The following FOXM1 variants were observed in gnomAD, a reference collection of about 807,000 sequenced individuals.
FOXM1 encodes the protein forkhead box M1.
In FOXM1, 25 loss-of-function variants were observed where a neutral mutation model predicts 63.6. The observed-to-expected ratio is 0.39, with a 90% CI of 0.29 to 0.55. The LOEUF is 0.55. Ranked by LOEUF, FOXM1 falls within the 20% of genes least tolerant of loss-of-function variation. The pLI is 0.60. For synonymous variants in FOXM1, 387 were observed against 376.9 expected, an observed-to-expected ratio of 1.03 and a Z score of -0.31; for missense variants, 879 against 958.7, an observed-to-expected ratio of 0.92 and a Z score of 1.10.
intron 8 of FOXM1, among the ~76,000 whole-genome samples, chr12:2,862,928 T>C (rs543810859): frequency 2.0e-5 from 3 of 152,172 alleles, no homozygotes; most frequent in Admixed American, 1.3e-4. Flanking sequence ...CTGAAGGGGA[T>C]GGGGGAAGCT....
chr12:2,858,485 G>T lies in FOXM1; in HGVS notation c.*153C>A. On this transcript the variant is annotated 3_prime_UTR_variant, in exon 9 of 9. Transcript: ENST00000359843. ...ACACAAGGTCCCAGCAGTGGCTAGG[G>T]TGTGACTGCTACTTTTGCATAATCA... 1.6e-6 allele frequency: 1 copy of T among 639,734 alleles called. No homozygotes were observed. Among genetic ancestry groups the T allele is most frequent in the Non-Finnish European group, 2.7e-6 (1 of 374,696 alleles). The allele number at this position is 639,734 out of a possible 1,614,324, so 39.6% of individuals were successfully genotyped here.
At position 2,867,619 on chromosome 12, in the gene FOXM1, G is replaced by A. The variant is rs185863295; in HGVS notation, c.846+944C>T. ...GGAGCTTGCAGTGAGCCGAGATCGC[G>A]CCACTGCACTCCAGCCTGGGTGACA... On this transcript the variant is annotated intron_variant, in intron 4 of 8. Coordinates refer to ENST00000359843, the MANE Select transcript of FOXM1 (RefSeq NM_021953.4). 5.1e-3 allele frequency among the ~76,000 whole-genome samples: 742 copies of A among 145,420 alleles called. 3 individuals carry two copies. The highest frequency in any genetic ancestry group is 0.017 in the African/African-American group (675 of 39,140).
chr12:2,872,464 C>T lies in FOXM1; in HGVS notation c.503-217G>A, dbSNP rs183713034. On this transcript the variant is annotated intron_variant, in intron 2 of 8. Coordinates refer to ENST00000359843, the MANE Select transcript of FOXM1 (RefSeq NM_021953.4). This position sits in a 1 kb window ranked among gnomAD's most constrained non-coding sequence, Gnocchi z 4.0. ...GTCTCTACTAAAAATACAAAATTAG[C>T]TGGGTGTGGTGGCACACGCCTGTAG... Among the ~76,000 whole-genome samples the T allele has an allele frequency of 2.0e-5, 3 of 152,240 alleles. No homozygotes were observed. The highest frequency in any genetic ancestry group is 2.9e-5 in the Non-Finnish European group (2 of 68,020).
intron 8 of FOXM1, chr12:2,863,612 C>A: frequency 6.6e-6 from 1 of 152,206 alleles, no homozygotes; most frequent in Non-Finnish European, 1.5e-5. Flanking sequence ...CCAGGCTGGT[C>A]TCGAACTCTT....
intron 1 of FOXM1, chr12:2,876,113 G>A (rs2098142992): frequency 6.6e-6 from 1 of 152,142 alleles, no homozygotes; most frequent in African/African-American, 2.4e-5. Flanking sequence ...GCAAAATTGT[G>A]TAATTCTATT....
chr12:2,866,417 G>A lies in FOXM1; in HGVS notation c.951C>T (p.Tyr317=), dbSNP rs1434562002. The A allele has an allele frequency of 1.3e-6, 2 of 1,528,604 alleles. No individual in the cohort carries two copies. Among genetic ancestry groups the A allele is most frequent in the Admixed American group, 2.2e-5 (1 of 44,998 alleles). 94.7% of individuals were successfully genotyped at this position (1,528,604 alleles called of 1,614,324 possible). ...CCTTAAACACCTGGTCCAATGTCAA[G>A]TAGCGGTTGGCACTGGGGTGAATGG... The part of the protein sequence containing the change: ...FWTIHPSANR[Y]LTLDQVFKPL... Residue 317 remains tyrosine (Y), a synonymous_variant, in exon 5 of 9, where the codon TAC becomes TAT. Coordinates refer to ENST00000359843, the MANE Select transcript of FOXM1 (RefSeq NM_021953.4).
At position 2,857,868 on chromosome 12, in the gene FOXM1, A is replaced by AT. The variant is rs1331329516; in HGVS notation, c.*769dup. The AT allele has an allele frequency of 1.3e-5, 2 of 152,318 alleles. No individual in the cohort carries two copies. The highest frequency in any genetic ancestry group is 2.9e-5 in the Non-Finnish European group (2 of 68,126). The allele number at this position is 152,318 out of a possible 1,614,324, so 9.4% of individuals were successfully genotyped here. A position where few individuals can be genotyped will look rare whatever the true frequency, so the allele number is the denominator to read the frequency against. On this transcript the variant is annotated 3_prime_UTR_variant, in exon 9 of 9. Transcript: ENST00000359843. ...TCTCGTCAATGCCAGTCTCCCTGGT[A>AT]TGATTGGGGACATTATCAGAGAAAC...
rs769167760 is a variant in FOXM1, at chr12:2,859,680, G to C, written c.1267-17C>G. ...TAGCAGCACCTGAAAGGGAAACAGA[G>C]ATAAGGTGAACCAACGGTCACCAGA... On this transcript the variant is annotated splice_polypyrimidine_tract_variant and intron_variant, in intron 8 of 8. Transcript: ENST00000359843. 13 of 1,584,700 alleles carry C rather than the reference G, an allele frequency of 8.2e-6. No individual in the cohort carries two copies. Among genetic ancestry groups the C allele is most frequent in the Non-Finnish European group, 1.0e-5 (12 of 1,167,016 alleles).
chr12:2,874,889 A>G lies in FOXM1; in HGVS notation c.-47-364T>C, dbSNP rs1225299914. On this transcript the variant is annotated intron_variant, in intron 1 of 8. Coordinates refer to ENST00000359843, the MANE Select transcript of FOXM1 (RefSeq NM_021953.4). This position sits in a 1 kb window ranked among gnomAD's most constrained non-coding sequence, Gnocchi z 4.3. ...TAAATAGATCACTTGCAATGACTGT[A>G]TGGACAGAAATGGAAGATGCTAGAA... 6.6e-6 allele frequency among the ~76,000 whole-genome samples: 1 copy of G among 152,116 alleles called. No individual in the cohort carries two copies. Among genetic ancestry groups the G allele is most frequent in the Non-Finnish European group, 1.5e-5 (1 of 68,024 alleles).
rs767346257 is a variant in FOXM1, at chr12:2,858,779, A to G, written c.2151T>C (p.Ser717=). 4 of 1,614,240 alleles carry G rather than the reference A, an allele frequency of 2.5e-6. No homozygotes were observed. In the Admixed American group the frequency reaches 5.0e-5, roughly 20 times the overall value. Residue 717 remains serine (S), a synonymous_variant, in exon 9 of 9, where the codon TCT becomes TCC. Coordinates refer to ENST00000359843, the MANE Select transcript of FOXM1 (RefSeq NM_021953.4). ...PQVSGLAANR[S]LTEGLVLDTM... Reference sequence around the variant, plus strand: ...TGTCCAGGACCAGGCCTTCTGTCAGAGAACGATTGGCTGCAAGGCCAGAAA... The same window carrying G: ...TGTCCAGGACCAGGCCTTCTGTCAGGGAACGATTGGCTGCAAGGCCAGAAA...
intron 4 of FOXM1, chr12:2,868,124 G>C (rs564670075): frequency 6.5e-6 from 1 of 153,374 alleles, no homozygotes; most frequent in African/African-American, 2.4e-5. Context: ...CAGGCATCTC[G>C]GTCTTTCCAT....
At chr12:2,865,470 T>C (rs535894238) in intron 5 of FOXM1, 71 bp from the exon 6 acceptor site, 56 of 1,328,452 alleles carry the variant, frequency 4.2e-5, no homozygotes, top group East Asian at 2.1e-4. Flanking sequence ...TTTGACCGGA[T>C]TGGGAAAAAC....
Position 2,858,762 on chromosome 12 carries a change from A to G in FOXM1, c.2168T>C (p.Val723Ala), listed in dbSNP as rs773390706. The part of the protein sequence containing the change: ...AANRSLTEGL[V>A]LDTMNDSLSK... Reference sequence around the variant, plus strand: ...GAGGCTGTCATTCATTGTGTCCAGGACCAGGCCTTCTGTCAGAGAACGATT... The same window carrying G: ...GAGGCTGTCATTCATTGTGTCCAGGGCCAGGCCTTCTGTCAGAGAACGATT... Residue 723 changes from valine to alanine, a missense_variant, in exon 9 of 9, where the codon GTC becomes GCC. Coordinates refer to ENST00000359843, the MANE Select transcript of FOXM1 (RefSeq NM_021953.4). 10 of 1,614,212 alleles carry G rather than the reference A, an allele frequency of 6.2e-6. No homozygotes were observed. The South Asian group carries it at 9.9e-5, about 16-fold the overall frequency.
chr12:2,858,819 G>T lies in FOXM1; in HGVS notation c.2111C>A (p.Ser704Tyr), dbSNP rs1411714091. Reference sequence around the variant, plus strand: ...AAGGCCAGAAACCTGTGGCTCCGGGGAGCCTGGCTTGGGGACGTCTATATC... The same window carrying T: ...AAGGCCAGAAACCTGTGGCTCCGGGTAGCCTGGCTTGGGGACGTCTATATC... The part of the protein sequence containing the change: ...PSDIDVPKPG[S>Y]PEPQVSGLAA... The change falls in exon 9 of 9, where the codon TCC becomes TAC. Residue 704 changes from serine to tyrosine, a missense_variant. Around this residue, in one of 4 missense-constraint regions of FOXM1, gnomAD observed 486 missense variants for 453.5 expected, o/e 1.07. Transcript: ENST00000359843. The T allele has an allele frequency of 1.2e-6, 2 of 1,614,234 alleles. No homozygotes were observed. The highest frequency in any genetic ancestry group is 1.3e-5 in the African/African-American group (1 of 75,054).
Position 2,858,453 on chromosome 12 carries a change from T to C in FOXM1, c.*185A>G, listed in dbSNP as rs1340340124. 2 of 582,104 alleles carry C rather than the reference T, an allele frequency of 3.4e-6. No homozygotes were observed. Among genetic ancestry groups the C allele is most frequent in the African/African-American group, 1.9e-5 (1 of 53,722 alleles). 36.1% of individuals were successfully genotyped at this position (582,104 alleles called of 1,614,324 possible). ...GGGACAGCAGAGGAATCAGATACTCTTGGGGAACACAAGGTCCCAGCAGTG... is the reference window on the plus strand; with the variant it reads ...GGGACAGCAGAGGAATCAGATACTCCTGGGGAACACAAGGTCCCAGCAGTG... On this transcript the variant is annotated 3_prime_UTR_variant, in exon 9 of 9. Coordinates refer to ENST00000359843, the MANE Select transcript of FOXM1 (RefSeq NM_021953.4).
At position 2,859,439 on chromosome 12, in the gene FOXM1, T is replaced by G. The variant is rs1385286074; in HGVS notation, c.1491A>C (p.Glu497Asp). 6.2e-7 allele frequency: 1 copy of G among 1,614,064 alleles called. No individual in the cohort carries two copies. Among genetic ancestry groups the G allele is most frequent in the South Asian group, 1.1e-5 (1 of 91,076 alleles). Residue 497 changes from glutamate (E) to aspartate (D), a missense_variant, in exon 9 of 9, where the codon GAA becomes GAC. Coordinates refer to ENST00000359843, the MANE Select transcript of FOXM1 (RefSeq NM_021953.4). ...ACGAATCCTCCCAGGAGTGAGATGATTCCTCTTTGAAAGATGGGGCCGGGG... is the reference window on the plus strand; with the variant it reads ...ACGAATCCTCCCAGGAGTGAGATGAGTCCTCTTTGAAAGATGGGGCCGGGG... The part of the protein sequence containing the change: ...WPSPAPSFKE[E>D]SSHSWEDSSQ...
At chr12:2,868,824 G>A in intron 3 of FOXM1, 70 bp from the exon 4 acceptor site, 2 of 1,251,524 alleles carry the variant, frequency 1.6e-6, no homozygotes, top group South Asian at 1.4e-5. Flanking sequence ...AGCCCTTGAA[G>A]AACATCTAGA....
rs2093527058 is a variant in FOXM1, at chr12:2,858,986, G to T, written c.1944C>A (p.Asp648Glu). Reference protein sequence around the residue: ...SPVQTSQGASDPLPDPLGLMD... With the variant: ...SPVQTSQGASEPLPDPLGLMD... ...TCAGCCCCAGGGGGTCAGGCAAGGGGTCAGAGGCACCCTGGGAGGTTTGTA... is the reference window on the plus strand; with the variant it reads ...TCAGCCCCAGGGGGTCAGGCAAGGGTTCAGAGGCACCCTGGGAGGTTTGTA... The change falls in exon 9 of 9, where the codon GAC (aspartate) becomes GAA (glutamate). Residue 648 changes from aspartate to glutamate, a missense_variant. Physicochemically the swap from Asp to Glu is conservative, Grantham distance 45 (BLOSUM62 2). Coordinates refer to ENST00000359843, the MANE Select transcript of FOXM1 (RefSeq NM_021953.4). The T allele has an allele frequency of 1.2e-6, 2 of 1,613,486 alleles. No individual in the cohort carries two copies. Among genetic ancestry groups the T allele is most frequent in the Non-Finnish European group, 1.7e-6 (2 of 1,179,854 alleles).
intron 3 of FOXM1, among the ~76,000 whole-genome samples, chr12:2,869,420 C>G (rs554785985): frequency 3.8e-4 from 58 of 151,964 alleles, no homozygotes; most frequent in Admixed American, 1.7e-3. Context: ...CAGGCATACA[C>G]CACCACGCCC....
Sources: gnomAD v4.1 joint callset for allele counts (sites outside exome capture counted in the v4.1 genomes callset) on GRCh38, gnomAD v4.1.1 for gene constraint, gnomAD v4.1.1 regional missense constraint, Gnocchi (gnomAD v3.1) non-coding constraint, MANE v1.5 for transcripts, NCBI Gene and HGNC (gene_info 2026-07-23, HGNC 2026-07-21) for gene names.